The following XXYLT1 variants were observed in gnomAD, a reference collection of about 807,000 sequenced individuals.
The protein encoded by XXYLT1 is xyloside xylosyltransferase 1.
Under a neutral mutation model 28.9 loss-of-function variants are expected in XXYLT1, and 20 were observed. The observed-to-expected ratio is 0.69, with a 90% CI of 0.49 to 1.00. The LOEUF is 1.00. XXYLT1 is among the 50% of genes least tolerant of loss of function. XXYLT1 has a pLI of 0.00. For synonymous variants in XXYLT1, 257 were observed against 253.8 expected (o/e 1.01, Z -0.12); for missense variants, 542 against 560.1 (o/e 0.97, Z 0.33).
intron 1 of XXYLT1, among the ~76,000 whole-genome samples, chr3:195,265,092 A>G (rs564940181): frequency 6.6e-6 from 1 of 152,116 alleles, no homozygotes; most frequent in South Asian, 2.1e-4. Flanking sequence ...AGAAAAGGCC[A>G]GGCACGGTGG....
intron 3 of XXYLT1, among the ~76,000 whole-genome samples, chr3:195,108,508 C>T (rs4677657): frequency 0.69 from 105,746 of 152,174 alleles, 37,052 homozygotes; most frequent in Middle Eastern, 0.72. Flanking sequence ...TATACAGTCA[C>T]GCATCGCTTA....
intron 3 of XXYLT1, among the ~76,000 whole-genome samples, chr3:195,123,714 G>A (rs185360031): frequency 3.9e-5 from 6 of 152,254 alleles, no homozygotes; most frequent in Non-Finnish European, 5.9e-5. Flanking sequence ...AAATGTCTCC[G>A]GAGCCCACTG....
At chr3:195,198,388 C>T (rs1197075003) in intron 2 of XXYLT1, among the ~76,000 whole-genome samples, 1 of 152,186 alleles carries the variant, frequency 6.6e-6, no homozygotes, top group Admixed American at 6.5e-5. Flanking sequence ...GTTGTCCGGG[C>T]ACTTCATCCC....
At position 195,122,112 on chromosome 3, in the gene XXYLT1, C is replaced by T. The variant is rs1198476723; in HGVS notation, c.785+34337G>A. On this transcript the variant is annotated intron_variant, in intron 3 of 3. Coordinates refer to ENST00000310380, the MANE Select transcript of XXYLT1 (RefSeq NM_152531.5). ...TCACTGCCCAGTTCACAGATGGCTG[C>T]CTTTCCCCAGTCTCCTCATATGGTG... 3 of 703,018 alleles carry T rather than the reference C, an allele frequency of 4.3e-6. No homozygotes were observed. The South Asian group carries it at 4.4e-5, about 10-fold the overall frequency. 43.5% of individuals were successfully genotyped at this position (703,018 alleles called of 1,614,324 possible). A position where few individuals can be genotyped will look rare whatever the true frequency, so the allele number is the denominator to read the frequency against.
At chr3:195,188,113 G>A (rs1722278055) in intron 2 of XXYLT1, among the ~76,000 whole-genome samples, 1 of 152,012 alleles carries the variant, frequency 6.6e-6, no homozygotes, top group Non-Finnish European at 1.5e-5. Context: ...CTCCTGAACA[G>A]GAAAAAAGTC....
intron 3 of XXYLT1, among the ~76,000 whole-genome samples, chr3:195,099,179 CT>C (rs1382961333): frequency 6.6e-6 from 1 of 152,152 alleles, no homozygotes; most frequent in Non-Finnish European, 1.5e-5. Context: ...CTATTTTCTC[CT>C]CTCCCTCTCC....
At chr3:195,185,632 C>T (rs571976449) in intron 2 of XXYLT1, among the ~76,000 whole-genome samples, 2 of 151,134 alleles carry the variant, frequency 1.3e-5, no homozygotes, top group South Asian at 4.2e-4. Flanking sequence ...TTATTTTAGA[C>T]TCTGAGGTCA....
chr3:195,267,697 A>T (rs757472331), intron 1 of XXYLT1, among the ~76,000 whole-genome samples: 13 of 152,210 alleles, frequency 8.5e-5, no homozygotes, highest in Non-Finnish European at 1.2e-4. Flanking sequence ...AACTGTGATA[A>T]ATGTTACTAA....
At chr3:195,151,810 G>A (rs114977860) in intron 3 of XXYLT1, among the ~76,000 whole-genome samples, 1,527 of 145,096 alleles carry the variant, frequency 0.011, 19 homozygotes, top group Non-Finnish European at 0.018. Flanking sequence ...CCTGGGGGAG[G>A]GATTGATTAG....
intron 3 of XXYLT1, among the ~76,000 whole-genome samples, chr3:195,084,563 A>G (rs940493240): frequency 2.0e-5 from 3 of 152,190 alleles, no homozygotes; most frequent in African/African-American, 4.8e-5. Context: ...TGCAACCCAG[A>G]TTTTGAGCAA....
At chr3:195,112,621 GCACA>G (rs1336035058) in intron 3 of XXYLT1, among the ~76,000 whole-genome samples, 2 of 92,648 alleles carry the variant, frequency 2.2e-5, no homozygotes, top group South Asian at 3.2e-4. Context: ...GCACACATGT[GCACA>G]CACACACCCC....
At chr3:195,223,221 ACT>A (rs1225779003) in intron 2 of XXYLT1, among the ~76,000 whole-genome samples, 12 of 151,952 alleles carry the variant, frequency 7.9e-5, no homozygotes, top group African/African-American at 2.4e-4. Context: ...CGAGAGTGAG[ACT>A]CTGTCTCAAA....
chr3:195,151,259 C>T (rs1281414837), intron 3 of XXYLT1, among the ~76,000 whole-genome samples: 2 of 152,112 alleles, frequency 1.3e-5, no homozygotes, highest in Admixed American at 1.3e-4. Flanking sequence ...ATTTAAATTT[C>T]AGGGTCAGGT....
chr3:195,269,722 C>T (rs1181026949), intron 1 of XXYLT1, among the ~76,000 whole-genome samples: 2 of 152,232 alleles, frequency 1.3e-5, no homozygotes, highest in Non-Finnish European at 2.9e-5. Flanking sequence ...ATATTACCTA[C>T]TACTCCTTAA....
chr3:195,105,984 C>A (rs1039740395), intron 3 of XXYLT1, among the ~76,000 whole-genome samples: 2 of 152,264 alleles, frequency 1.3e-5, no homozygotes, highest in African/African-American at 4.8e-5. Flanking sequence ...TGATTAATGT[C>A]GGCAGCATTT....
At chr3:195,158,700 C>T (rs991844190) in intron 2 of XXYLT1, among the ~76,000 whole-genome samples, 1 of 152,256 alleles carries the variant, frequency 6.6e-6, no homozygotes, top group African/African-American at 2.4e-5. Context: ...GAGGCCACTC[C>T]TTTCTATTCC....
At chr3:195,121,996 G>A (rs748838274) in intron 3 of XXYLT1, 59 of 701,830 alleles carry the variant, frequency 8.4e-5, no homozygotes, top group South Asian at 8.0e-4. Flanking sequence ...CAGACTGGGT[G>A]CCCATAAACC....
intron 3 of XXYLT1, among the ~76,000 whole-genome samples, chr3:195,072,166 G>A (rs1272059843): frequency 6.6e-6 from 1 of 152,174 alleles, no homozygotes; most frequent in African/African-American, 2.4e-5. Context: ...AGGCAGGCGT[G>A]GGGTGGACCG....
intron 2 of XXYLT1, chr3:195,184,605 T>G: frequency 4.1e-6 from 4 of 985,138 alleles, no homozygotes; most frequent in Non-Finnish European, 4.8e-6. Flanking sequence ...CCAAGAAACA[T>G]TTAAGTCTCC....
Sources: gnomAD v4.1 joint callset for allele counts (sites outside exome capture counted in the v4.1 genomes callset) on GRCh38, gnomAD v4.1.1 for gene constraint, MANE v1.5 for transcripts, NCBI Gene and HGNC (gene_info 2026-07-23, HGNC 2026-07-21) for gene names.